Variants in SAMMSON observed in about 807,000 individuals in gnomAD.
The protein encoded by SAMMSON is long intergenic non-protein coding RNA 1212.
At chr3:70,056,433 A>G (rs1196489106) in intron 3 of SAMMSON, among the ~76,000 whole-genome samples, 3 of 152,084 alleles carry the variant, frequency 2.0e-5, no homozygotes, top group Non-Finnish European at 4.4e-5. Context: ...CTGTTCATCA[A>G]CCGTTCGGCT....
intron 4 of SAMMSON, among the ~76,000 whole-genome samples, chr3:70,092,109 T>C (rs1007448666): frequency 3.3e-5 from 5 of 152,178 alleles, no homozygotes; most frequent in Non-Finnish European, 7.3e-5. Flanking sequence ...TTAACTTTGA[T>C]TTGGAAATGA....
chr3:70,019,322 T>G (rs942302456), intron 3 of SAMMSON, among the ~76,000 whole-genome samples: 1 of 152,214 alleles, frequency 6.6e-6, no homozygotes, highest in Non-Finnish European at 1.5e-5. Flanking sequence ...AATTGTTCCC[T>G]TTACCATTAT....
Position 70,155,916 on chromosome 3 carries a change from C to T in SAMMSON, n.507+84351C>T, listed in dbSNP as rs189251222. Among the ~76,000 whole-genome samples the T allele has an allele frequency of 1.9e-3, 285 of 152,126 alleles. 1 individual carries two copies. Among genetic ancestry groups the T allele is most frequent in the Middle Eastern group, 6.8e-3 (2 of 294 alleles). ...CATGCATCCTTTTGAAATAGAGTTG[C>T]TAAATATTTAATAAGCATTTACATC... On this transcript the variant is annotated intron_variant and non_coding_transcript_variant, in intron 4 of 9. Coordinates refer to ENST00000642114, the Ensembl canonical transcript of SAMMSON.
chr3:70,041,073 G>C (rs1472946499), intron 3 of SAMMSON, among the ~76,000 whole-genome samples: 1 of 152,044 alleles, frequency 6.6e-6, no homozygotes, highest in African/African-American at 2.4e-5. Flanking sequence ...TAAAAGTAAG[G>C]CTCAGTTTTG....
chr3:70,004,885 G>C (rs935423881), intron 1 of SAMMSON, among the ~76,000 whole-genome samples: 1 of 152,092 alleles, frequency 6.6e-6, no homozygotes, highest in Non-Finnish European at 1.5e-5. Context: ...TACACCTAAG[G>C]CTTTAAATCC....
chr3:70,279,415 C>A (rs956610849), intron 6 of SAMMSON, among the ~76,000 whole-genome samples: 2 of 152,046 alleles, frequency 1.3e-5, no homozygotes, highest in South Asian at 2.1e-4. Context: ...GTCAGAAAGA[C>A]CTCTGGACTT....
intron 3 of SAMMSON, chr3:70,065,434 G>A (rs982301969): frequency 6.6e-6 from 1 of 152,132 alleles, no homozygotes; most frequent in South Asian, 2.1e-4. Flanking sequence ...AGTCTGTTGG[G>A]CCAAAGTTTT....
At chr3:70,367,869 G>T (rs920923090) in intron 9 of SAMMSON, among the ~76,000 whole-genome samples, 2 of 150,902 alleles carry the variant, frequency 1.3e-5, no homozygotes, top group Non-Finnish European at 3.0e-5. Flanking sequence ...CCCTTTCTCC[G>T]TATCCTTGCC....
chr3:70,395,098 G>A (rs1385740982), intron 2 of SAMMSON, among the ~76,000 whole-genome samples: 4 of 152,130 alleles, frequency 2.6e-5, no homozygotes, highest in Non-Finnish European at 5.9e-5. Context: ...CTGCTTAGCA[G>A]CTTTGCTGTG....
At chr3:70,323,861 C>T (rs1183632390) in intron 7 of SAMMSON, among the ~76,000 whole-genome samples, 1 of 152,050 alleles carries the variant, frequency 6.6e-6, no homozygotes, top group Non-Finnish European at 1.5e-5. Context: ...GATAAGCTAT[C>T]TTCAGGATGA....
chr3:70,137,636 A>T (rs532589303), intron 4 of SAMMSON: 4 of 152,326 alleles, frequency 2.6e-5, no homozygotes, highest in African/African-American at 9.6e-5. Flanking sequence ...ACACTGTCCA[A>T]TGGAAATACA....
chr3:70,329,664 T>A (rs563516546), intron 7 of SAMMSON, among the ~76,000 whole-genome samples: 1 of 152,014 alleles, frequency 6.6e-6, no homozygotes, highest in Non-Finnish European at 1.5e-5. Context: ...ATATGAATTC[T>A]GGCATATTTC....
intron 9 of SAMMSON, among the ~76,000 whole-genome samples, chr3:70,377,128 T>G (rs1271372571): frequency 6.6e-6 from 1 of 152,086 alleles, no homozygotes; most frequent in African/African-American, 2.4e-5. Context: ...AAAAGTTGTT[T>G]GGAAAGAGTG....
intron 3 of SAMMSON, among the ~76,000 whole-genome samples, chr3:70,024,045 C>A (rs879562120): frequency 1.3e-5 from 2 of 152,090 alleles, no homozygotes; most frequent in Non-Finnish European, 2.9e-5. Context: ...TGGTCTATCC[C>A]TAATTTCACA....
chr3:70,039,593 TCACACACACACACA>T (rs56058406), intron 3 of SAMMSON, among the ~76,000 whole-genome samples: 3,438 of 135,692 alleles, frequency 0.025, 144 homozygotes, highest in African/African-American at 0.085. Context: ...ACACATCTCT[TCACACACACACACA>T]CACACACACA....
At chr3:70,433,969 TAC>T in intron 2 of SAMMSON, among the ~76,000 whole-genome samples, 1 of 152,208 alleles carries the variant, frequency 6.6e-6, no homozygotes, top group Non-Finnish European at 1.5e-5. Flanking sequence ...GCAGGTAAGC[TAC>T]TAAGCTCCCT....
chr3:70,201,736 G>A (rs1701241287), intron 4 of SAMMSON, among the ~76,000 whole-genome samples: 1 of 152,106 alleles, frequency 6.6e-6, no homozygotes, highest in African/African-American at 2.4e-5. Context: ...CTTGAGCATG[G>A]CACAGGCCAC....
chr3:70,158,470 G>A (rs931189557), intron 4 of SAMMSON, among the ~76,000 whole-genome samples: 3 of 151,664 alleles, frequency 2.0e-5, no homozygotes, highest in Non-Finnish European at 4.4e-5. Context: ...TGAACATTTA[G>A]GATGTTTCCA....
chr3:70,025,853 T>C (rs1259151086), intron 3 of SAMMSON, among the ~76,000 whole-genome samples: 2 of 152,174 alleles, frequency 1.3e-5, no homozygotes, highest in African/African-American at 4.8e-5. Flanking sequence ...ATTAAAAAAA[T>C]TGTAAGGAAC....
Sources: gnomAD v4.1 joint callset for allele counts (sites outside exome capture counted in the v4.1 genomes callset) on GRCh38, gnomAD v4.1.1 for gene constraint, MANE v1.5 for transcripts, NCBI Gene and HGNC (gene_info 2026-07-23, HGNC 2026-07-21) for gene names.